DNAH3: variants seen among roughly 807,000 people sequenced by gnomAD.
The protein encoded by DNAH3 is dynein axonemal heavy chain 3.
In DNAH3, 332 loss-of-function variants were observed where a neutral mutation model predicts 432.5. The observed-to-expected ratio is 0.77, with a 90% CI of 0.70 to 0.84. DNAH3 has a LOEUF of 0.84. DNAH3 is among the 40% of genes least tolerant of loss of function. The probability of loss-of-function intolerance (pLI) is 0.00; values close to 1 mark genes in which losing one functional copy is unlikely to be tolerated. For synonymous variants in DNAH3, 1,956 were observed against 1,900.2 expected, an observed-to-expected ratio of 1.03 and a Z score of -0.76; for missense variants, 4,861 against 5,114.0, an observed-to-expected ratio of 0.95 and a Z score of 1.51.
chr16:21,079,450 C>T (rs61411459), intron 20 of DNAH3, among the ~76,000 whole-genome samples: 3,186 of 152,038 alleles, frequency 0.021, 131 homozygotes, highest in African/African-American at 0.073. Flanking sequence ...ATGATGAAAC[C>T]CCATCTCTAC....
At chr16:21,120,977 T>C (rs13330317) in intron 10 of DNAH3, 199,059 of 754,460 alleles carry the variant, frequency 0.26, 27,159 homozygotes, top group African/African-American at 0.33. Flanking sequence ...TTTAATGGAG[T>C]ACTTAGAACC....
chr16:21,067,776 G>GGAGGGA (rs374291201), intron 23 of DNAH3, among the ~76,000 whole-genome samples: 1 of 40,894 alleles, frequency 2.4e-5, no homozygotes, highest in African/African-American at 1.2e-4. Context: ...GGGTGGGGAG[G>GGAGGGA]GAGAGAGAGA....
rs73548262 is a variant in DNAH3 at position 21,126,718 on chromosome 16, T to C, written c.1208+969A>G. Among the ~76,000 whole-genome samples, 195 of 152,258 alleles carry C rather than the reference T, an allele frequency of 1.3e-3. 1 individual carries two copies. The highest frequency in any genetic ancestry group is 4.0e-3 in the African/African-American group (166 of 41,568). ...GCAGCAGGTGGGCGAGCCAGCTTCATCTGTATTTACAGCCGCTCCCCATGG... is the reference window on the plus strand; with the variant it reads ...GCAGCAGGTGGGCGAGCCAGCTTCACCTGTATTTACAGCCGCTCCCCATGG... On this transcript the variant is annotated intron_variant, in intron 8 of 61. Transcript: ENST00000261383.
At chr16:21,020,881 AT>A (rs1213895727) in intron 40 of DNAH3, among the ~76,000 whole-genome samples, 1 of 152,110 alleles carries the variant, frequency 6.6e-6, no homozygotes, top group Non-Finnish European at 1.5e-5. Context: ...CCATTAAACA[AT>A]AACTTCTCCC....
chr16:21,046,531 G>A (rs1447119738), intron 31 of DNAH3, among the ~76,000 whole-genome samples: 1 of 151,990 alleles, frequency 6.6e-6, no homozygotes, highest in Non-Finnish European at 1.5e-5. Flanking sequence ...TGGCTTGGTA[G>A]ATCTTCCTCC....
intron 21 of DNAH3, among the ~76,000 whole-genome samples, chr16:21,071,665 A>T (rs1006070316): frequency 1.3e-5 from 2 of 152,006 alleles, no homozygotes; most frequent in African/African-American, 4.8e-5. Flanking sequence ...AGGTAGGAGG[A>T]TCGCTTGAGT....
chr16:20,966,768 G>C (rs1441636307), intron 52 of DNAH3, among the ~76,000 whole-genome samples: 2 of 152,162 alleles, frequency 1.3e-5, no homozygotes, highest in Admixed American at 6.5e-5. Flanking sequence ...GTTGGATGGA[G>C]CCCAATCAGT....
chr16:20,961,369 T>C (rs55750540), intron 53 of DNAH3, among the ~76,000 whole-genome samples: 59,306 of 151,694 alleles, frequency 0.39, 11,637 homozygotes, highest in South Asian at 0.44. Flanking sequence ...GGAGAAAGGA[T>C]AGCATTAGGA....
At chr16:21,013,310 AC>A (rs2152703963) in intron 41 of DNAH3, among the ~76,000 whole-genome samples, 1 of 150,942 alleles carries the variant, frequency 6.6e-6, no homozygotes, top group East Asian at 1.9e-4. Flanking sequence ...CAGGTGGATC[AC>A]TTGAGTCCAG....
chr16:20,955,181 C>T, intron 54 of DNAH3, 124 bp from the exon 55 acceptor site: 1 of 900,606 alleles, frequency 1.1e-6, no homozygotes, highest in Non-Finnish European at 1.6e-6. Context: ...AAAACCCCAT[C>T]TCTATGAAAA....
intron 27 of DNAH3, among the ~76,000 whole-genome samples, chr16:21,056,050 G>A (rs2090122012): frequency 6.6e-6 from 1 of 152,196 alleles, no homozygotes; most frequent in African/African-American, 2.4e-5. Flanking sequence ...GAATCTAGAT[G>A]ATTATAGCTG....
At chr16:21,054,494 ACAATCTGCG>A in exon 28 of DNAH3, 17 of 1,614,162 alleles carry the variant, frequency 1.1e-5, no homozygotes, top group Non-Finnish European at 1.4e-5. Context: ...CACCAGCTGG[ACAATCTGCG>A]CAATCTGATC....
intron 2 of DNAH3, 56 bp downstream of exon 3, chr16:21,145,928 G>T: frequency 9.2e-7 from 1 of 1,083,010 alleles, no homozygotes; most frequent in Non-Finnish European, 1.4e-6. Context: ...GAGAAGTGGG[G>T]GATGCACTTC....
At chr16:21,051,557 T>C in intron 29 of DNAH3, 113 bp downstream of exon 29, 1 of 1,064,764 alleles carries the variant, frequency 9.4e-7, no homozygotes, top group Non-Finnish European at 1.4e-6. Context: ...AATCTAATAA[T>C]CTGAAGTGTG....
intron 27 of DNAH3, among the ~76,000 whole-genome samples, chr16:21,057,235 C>A (rs570106695): frequency 1.1e-3 from 174 of 152,126 alleles, no homozygotes; most frequent in Non-Finnish European, 1.9e-3. Flanking sequence ...ATAGTGAGAC[C>A]CCCGTCTCTA....
intron 7 of DNAH3, among the ~76,000 whole-genome samples, chr16:21,131,544 AAAGG>A (rs1430217124): frequency 6.6e-6 from 1 of 151,510 alleles, no homozygotes; most frequent in Non-Finnish European, 1.5e-5. Context: ...AAAGAAAAAG[AAAGG>A]AAGGAAGGAA....
At chr16:21,156,981 G>C (rs191681570) in intron 1 of DNAH3, among the ~76,000 whole-genome samples, 136 of 133,058 alleles carry the variant, frequency 1.0e-3, no homozygotes, top group African/African-American at 3.3e-3. Context: ...TGATTGGAAG[G>C]CTGTAATCTA....
At chr16:20,999,830 C>A (rs2086929907) in intron 43 of DNAH3, among the ~76,000 whole-genome samples, 1 of 152,138 alleles carries the variant, frequency 6.6e-6, no homozygotes, top group Admixed American at 6.6e-5. Flanking sequence ...TTAGTGATAA[C>A]ACATTTATCT....
intron 1 of DNAH3, 34 bp from the exon 1 acceptor site, chr16:21,150,880 AG>A (rs1272930621): frequency 6.5e-6 from 1 of 152,766 alleles, no homozygotes; most frequent in East Asian, 1.9e-4. Flanking sequence ...TAAGGGAAGG[AG>A]GGGCCTCTGC....
Sources: gnomAD v4.1 joint callset for allele counts (sites outside exome capture counted in the v4.1 genomes callset) on GRCh38, gnomAD v4.1.1 for gene constraint, MANE v1.5 for transcripts, NCBI Gene and HGNC (gene_info 2026-07-23, HGNC 2026-07-21) for gene names.